The following SYT10 variants were observed in gnomAD, a reference collection of about 807,000 sequenced individuals.
SYT10 encodes the protein synaptotagmin-10.
Under a neutral mutation model 51.1 loss-of-function variants are expected in SYT10, and 31 were observed. The ratio of observed to expected loss-of-function variants is 0.61; its 90% CI spans 0.46 to 0.82. SYT10 has a LOEUF of 0.82. SYT10 is among the 40% of genes least tolerant of loss of function. The pLI is 0.00. For synonymous variants in SYT10, 233 were observed against 225.9 expected (o/e 1.03, Z -0.28); for missense variants, 603 against 634.0 (o/e 0.95, Z 0.53).
intron 3 of SYT10, among the ~76,000 whole-genome samples, chr12:33,398,468 A>T (rs905267247): frequency 6.6e-6 from 1 of 152,112 alleles, no homozygotes; most frequent in Non-Finnish European, 1.5e-5. Context: ...AGCCGAGATC[A>T]TGCCACTGCA....
chr12:33,392,870 A>T (rs1434479503), intron 3 of SYT10, among the ~76,000 whole-genome samples: 1 of 151,146 alleles, frequency 6.6e-6, no homozygotes, highest in Admixed American at 6.6e-5. Context: ...TACTATTGCC[A>T]GGACACTGTT....
At chr12:33,381,406 T>TA (rs1866113913) in intron 5 of SYT10, among the ~76,000 whole-genome samples, 1 of 152,114 alleles carries the variant, frequency 6.6e-6, no homozygotes, top group Non-Finnish European at 1.5e-5. Flanking sequence ...TAGAACAAAA[T>TA]AAATATACTA....
rs567773067 is a variant in SYT10 at position 33,407,065 on chromosome 12, A to G, written c.801T>C (p.Ser267=). Residue 267 remains serine (S), a synonymous_variant, in exon 3 of 7, where the codon TCT becomes TCC. Transcript: ENST00000228567. ...GAAGATACATCTTCACATAAGGGTC[A>G]GAAGTTCCTGTGAAGTCTTTAGCAG... is the stretch of plus-strand genomic sequence containing the variant. ...DLPAKDFTGT[S]DPYVKMYLLP... is the part of the protein sequence containing the mutation. 5.9e-5 allele frequency: 95 copies of G among 1,614,214 alleles called. No individual in the cohort carries two copies. The East Asian group carries it at 1.9e-3, about 32-fold the overall frequency.
In SYT10 at chr12:33,435,907, T is replaced by C. The variant is rs11052706; in HGVS notation, c.151+3465A>G. Among the ~76,000 whole-genome samples the C allele has an allele frequency of 0.057, 8,654 of 152,300 alleles. 1,439 individuals are homozygous for C. In the East Asian group the frequency reaches 0.64, roughly 11 times the overall value. On this transcript the variant is annotated intron_variant, in intron 1 of 6. Coordinates refer to ENST00000228567, the MANE Select transcript of SYT10 (RefSeq NM_198992.4). ...CCTCTAAGAAACTGAAGAACATATG[T>C]ATGAATTTAGAAGAATTTGTCTAAA...
intron 2 of SYT10, among the ~76,000 whole-genome samples, chr12:33,424,685 G>A (rs1033474290): frequency 6.6e-6 from 1 of 151,506 alleles, no homozygotes; most frequent in African/African-American, 2.4e-5. Flanking sequence ...TGTAAAACAT[G>A]TAAAAAAAAG....
chr12:33,389,451 A>G (rs1441344487), intron 3 of SYT10, among the ~76,000 whole-genome samples: 3 of 152,172 alleles, frequency 2.0e-5, no homozygotes, highest in Admixed American at 2.0e-4. Context: ...ACAGGCACTC[A>G]AAAACAATAA....
At chr12:33,395,930 C>T (rs552358451) in intron 3 of SYT10, among the ~76,000 whole-genome samples, 30 of 152,168 alleles carry the variant, frequency 2.0e-4, no homozygotes, top group African/African-American at 6.3e-4. Context: ...TCATTCAGGG[C>T]GAACAGCTGA....
intron 2 of SYT10, among the ~76,000 whole-genome samples, chr12:33,425,506 T>C (rs1204080755): frequency 1.3e-5 from 2 of 152,310 alleles, no homozygotes; most frequent in East Asian, 3.9e-4. Context: ...AAGGAAGTCC[T>C]CTTCCTCCTC....
At chr12:33,393,539 C>T (rs1208182245) in intron 3 of SYT10, among the ~76,000 whole-genome samples, 2 of 152,204 alleles carry the variant, frequency 1.3e-5, no homozygotes, top group African/African-American at 4.8e-5. Flanking sequence ...TAGAGTCTAT[C>T]TTAAATTGAT....
intron 2 of SYT10, among the ~76,000 whole-genome samples, chr12:33,418,890 A>G (rs1054961803): frequency 1.3e-5 from 2 of 152,156 alleles, no homozygotes; most frequent in Admixed American, 1.3e-4. Context: ...AAAACAGGTC[A>G]TGCTACTCTT....
At chr12:33,391,691 CAA>C (rs1422198320) in intron 3 of SYT10, among the ~76,000 whole-genome samples, 3 of 152,100 alleles carry the variant, frequency 2.0e-5, no homozygotes, top group Admixed American at 6.5e-5. Context: ...TATACAAAGA[CAA>C]TATATGTCAG....
At chr12:33,437,396 C>T (rs1866646788) in intron 1 of SYT10, among the ~76,000 whole-genome samples, 2 of 152,206 alleles carry the variant, frequency 1.3e-5, no homozygotes, top group East Asian at 3.8e-4. Context: ...CAGACTACAA[C>T]TACTTCTTGC....
At position 33,376,672 on chromosome 12, in the gene SYT10, T is replaced by TA. The variant is rs1866065025; in HGVS notation, c.*157dup. On this transcript the variant is annotated 3_prime_UTR_variant, in exon 7 of 7. Transcript: ENST00000228567. The stretch of plus-strand genomic sequence containing the variant: ...AGTAAAATGTATTGATGTTCAAAGT[T>TA]AAAAAATCAACAATAAAAGCAAATA... 1 of 792,864 alleles carries TA rather than the reference T, an allele frequency of 1.3e-6. No individual in the cohort carries two copies. The allele number at this position is 792,864 out of a possible 1,614,324, so 49.1% of individuals were successfully genotyped here.
chr12:33,401,649 C>T (rs1289046450), intron 3 of SYT10, among the ~76,000 whole-genome samples: 1 of 152,062 alleles, frequency 6.6e-6, no homozygotes, highest in African/African-American at 2.4e-5. Flanking sequence ...CTGCCATACC[C>T]TGAATATTAA....
intron 1 of SYT10, 54 bp from the exon 2 acceptor site, chr12:33,426,549 G>A: frequency 7.5e-7 from 1 of 1,340,324 alleles, no homozygotes; most frequent in Non-Finnish European, 1.0e-6. Flanking sequence ...TAAAAAAGCA[G>A]AAATGGAAAG....
At position 33,375,478 on chromosome 12, in the gene SYT10, C is replaced by T. The variant is rs561040406; in HGVS notation, c.*1352G>A. On this transcript the variant is annotated 3_prime_UTR_variant, in exon 7 of 7. Coordinates refer to ENST00000228567, the MANE Select transcript of SYT10 (RefSeq NM_198992.4). ...TGAAATATATACTATCTATACCACA[C>T]ATCTTAAAAGTAAGGTTGGGGTAAT... 3 of 152,076 alleles carry T rather than the reference C, an allele frequency of 2.0e-5. No homozygotes were observed. Among genetic ancestry groups the T allele is most frequent in the Non-Finnish European group, 2.9e-5 (2 of 67,936 alleles). 9.4% of individuals were successfully genotyped at this position (152,076 alleles called of 1,614,324 possible).
At chr12:33,438,448 A>G (rs769633269) in intron 1 of SYT10, among the ~76,000 whole-genome samples, 33 of 152,332 alleles carry the variant, frequency 2.2e-4, no homozygotes, top group Admixed American at 8.5e-4. Context: ...CGAGGAGCAC[A>G]GCAGGCTGGA....
chr12:33,432,666 T>C (rs1866606762), intron 1 of SYT10: 3 of 152,122 alleles, frequency 2.0e-5, no homozygotes, highest in Admixed American at 2.0e-4. Context: ...ATAATATTAA[T>C]AAATACTGAA....
chr12:33,380,914 T>C (rs1039145228), intron 5 of SYT10, among the ~76,000 whole-genome samples: 2 of 152,212 alleles, frequency 1.3e-5, no homozygotes, highest in African/African-American at 4.8e-5. Context: ...CATTACTTTT[T>C]TTTCCATCAT....
Sources: gnomAD v4.1 joint callset for allele counts (sites outside exome capture counted in the v4.1 genomes callset) on GRCh38, gnomAD v4.1.1 for gene constraint, MANE v1.5 for transcripts, NCBI Gene and HGNC (gene_info 2026-07-23, HGNC 2026-07-21) for gene names.